GRAMD1B: variants seen among roughly 807,000 people sequenced by gnomAD.
GRAMD1B encodes the protein GRAM domain containing 1B.
Under a neutral mutation model 99.7 loss-of-function variants are expected in GRAMD1B, and 37 were observed. That is an observed-to-expected ratio of 0.37 (90% CI 0.29 to 0.49). The LOEUF (loss-of-function observed/expected upper bound fraction) is 0.49, where lower values mean the gene tolerates loss of function less well. Among genes scored for constraint, GRAMD1B ranks in the 20% least tolerant of loss-of-function variants. The pLI is 0.98. For synonymous variants in GRAMD1B, 427 were observed against 387.6 expected (o/e 1.10, Z -1.19); for missense variants, 888 against 1,009.2 (o/e 0.88, Z 1.63).
intron 1 of GRAMD1B, among the ~76,000 whole-genome samples, chr11:123,366,348 G>A (rs1277161067): frequency 6.6e-6 from 1 of 152,256 alleles, no homozygotes; most frequent in Non-Finnish European, 1.5e-5. Flanking sequence ...GATGAGGCTA[G>A]AGGACTTATA....
chr11:123,589,725 G>T (rs1002668672), intron 4 of GRAMD1B, among the ~76,000 whole-genome samples: 9 of 151,676 alleles, frequency 5.9e-5, no homozygotes, highest in Non-Finnish European at 1.0e-4. Context: ...GCTTCCCAAA[G>T]TGCTGGGATT....
At chr11:123,370,183 T>C (rs536849716) in intron 1 of GRAMD1B, among the ~76,000 whole-genome samples, 2 of 151,634 alleles carry the variant, frequency 1.3e-5, no homozygotes, top group South Asian at 4.2e-4. Flanking sequence ...GGGATGGTGA[T>C]GCATGCCTGT....
intron 1 of GRAMD1B, among the ~76,000 whole-genome samples, chr11:123,401,497 T>C (rs1320595621): frequency 6.6e-6 from 1 of 152,218 alleles, no homozygotes; most frequent in Admixed American, 6.5e-5. Context: ...CCTGATGGCC[T>C]CCCTCACACA....
Position 123,577,379 on chromosome 11 carries a change from C to G in GRAMD1B, c.465C>G (p.Asn155Lys). Residue 155 changes from asparagine (N) to lysine (K), a missense_variant, in exon 3 of 20, where the codon AAC (asparagine) becomes AAG (lysine). Physicochemically the swap from Asn to Lys is moderately conservative, Grantham distance 94 (BLOSUM62 0). Around this residue, in one of 5 missense-constraint regions of GRAMD1B, gnomAD observed 233 missense variants for 154.6 expected, o/e 1.51. Transcript: ENST00000635736. Reference protein sequence around the residue: ...PRAREESTASNSNRSTPACSP... With the variant: ...PRAREESTASKSNRSTPACSP... ...TCTGCCGCTGCAGCACTGCCAGTAA[C>G]TCCAACCGCAGCACGCCGGCCTGCT... 6.3e-7 allele frequency: 1 copy of G among 1,585,980 alleles called. No homozygotes were observed. Among genetic ancestry groups the G allele is most frequent in the Non-Finnish European group, 8.6e-7 (1 of 1,166,678 alleles).
chr11:123,554,566 C>T (rs922307064), intron 2 of GRAMD1B, among the ~76,000 whole-genome samples: 5 of 150,804 alleles, frequency 3.3e-5, no homozygotes, highest in Admixed American at 2.0e-4. Flanking sequence ...AACAAAATGC[C>T]GGACATGGTG....
At chr11:123,508,949 T>C (rs549987054) in intron 2 of GRAMD1B, among the ~76,000 whole-genome samples, 169 of 152,338 alleles carry the variant, frequency 1.1e-3, no homozygotes, top group African/African-American at 3.8e-3. Context: ...CCTCCCAAAG[T>C]GCTGGGATTA....
At position 123,587,659 on chromosome 11, in the gene GRAMD1B, A is replaced by G. The variant is rs1054726993; in HGVS notation, c.684+3327A>G. Among the ~76,000 whole-genome samples the G allele has an allele frequency of 6.6e-6, 1 of 152,166 alleles. No individual in the cohort carries two copies. Among genetic ancestry groups the G allele is most frequent in the Non-Finnish European group, 1.5e-5 (1 of 68,030 alleles). ...GAAGGAGCATTTCTGAGATCAGAGC[A>G]CAGGAGCCCAGACCCTGGCAGCCGC... On this transcript the variant is annotated intron_variant, in intron 4 of 19. Transcript: ENST00000635736. This position sits in a 1 kb window ranked among gnomAD's most constrained non-coding sequence, Gnocchi z 4.2.
intron 2 of GRAMD1B, chr11:123,525,781 C>T: frequency 3.5e-6 from 1 of 286,586 alleles, no homozygotes; most frequent in South Asian, 4.3e-5. Flanking sequence ...GGGCAGCCGG[C>T]CAGCCTGGCT....
chr11:123,402,262 C>T (rs534407219), intron 1 of GRAMD1B, among the ~76,000 whole-genome samples: 2 of 152,280 alleles, frequency 1.3e-5, no homozygotes, highest in Admixed American at 6.5e-5. Context: ...GTGACCTGCC[C>T]GCCTCGGCCT....
chr11:123,488,698 C>T (rs1938175124), intron 2 of GRAMD1B, among the ~76,000 whole-genome samples: 1 of 142,284 alleles, frequency 7.0e-6, no homozygotes, highest in African/African-American at 2.5e-5. Flanking sequence ...CACCCCATGG[C>T]CCTGACTGAA....
At chr11:123,572,129 T>C (rs147536605) in intron 2 of GRAMD1B, among the ~76,000 whole-genome samples, 1 of 152,302 alleles carries the variant, frequency 6.6e-6, no homozygotes, top group Non-Finnish European at 1.5e-5. Flanking sequence ...TCCAAAGTCA[T>C]ATCACCTTGT....
intron 2 of GRAMD1B, among the ~76,000 whole-genome samples, chr11:123,483,499 A>T (rs1051661779): frequency 1.4e-5 from 2 of 147,644 alleles, no homozygotes; most frequent in African/African-American, 5.0e-5. Flanking sequence ...TGATTTTCCC[A>T]CCTTAGCCTC....
chr11:123,387,358 G>A (rs560203311), intron 1 of GRAMD1B, among the ~76,000 whole-genome samples: 4 of 152,106 alleles, frequency 2.6e-5, no homozygotes, highest in Non-Finnish European at 4.4e-5. Context: ...CGTGTTTGCT[G>A]ACACACAGGC....
At chr11:123,508,214 C>G (rs527668212) in intron 2 of GRAMD1B, among the ~76,000 whole-genome samples, 1 of 152,296 alleles carries the variant, frequency 6.6e-6, no homozygotes, top group African/African-American at 2.4e-5. Flanking sequence ...ACACCAGCAT[C>G]TGGAGAAGGC....
intron 2 of GRAMD1B, among the ~76,000 whole-genome samples, chr11:123,551,354 C>A (rs769326612): frequency 6.6e-4 from 100 of 152,182 alleles, no homozygotes; most frequent in Admixed American, 1.2e-3. Context: ...GTACTTCATT[C>A]TGGAAAGGAG....
intron 2 of GRAMD1B, among the ~76,000 whole-genome samples, chr11:123,493,593 C>T (rs979053353): frequency 8.5e-5 from 13 of 152,314 alleles, no homozygotes; most frequent in African/African-American, 2.6e-4. Flanking sequence ...GTTGTGTGGA[C>T]GGGCTTCCAG....
chr11:123,579,662 A>T (rs1184936736), intron 3 of GRAMD1B, among the ~76,000 whole-genome samples: 1 of 151,960 alleles, frequency 6.6e-6, no homozygotes, highest in Non-Finnish European at 1.5e-5. Flanking sequence ...AGCTGGCAAG[A>T]GGGTGGATAT....
chr11:123,522,495 T>C (rs1591805898), intron 2 of GRAMD1B, among the ~76,000 whole-genome samples: 1 of 152,138 alleles, frequency 6.6e-6, no homozygotes, highest in East Asian at 1.9e-4. Flanking sequence ...ATTTTTGTAT[T>C]TTTAATAGAG....
intron 1 of GRAMD1B, among the ~76,000 whole-genome samples, chr11:123,463,483 T>C (rs535225999): frequency 2.0e-5 from 3 of 152,344 alleles, no homozygotes; most frequent in African/African-American, 7.2e-5. Context: ...ATGCAGTATC[T>C]TGAATGAATT....
Sources: gnomAD v4.1 joint callset for allele counts (sites outside exome capture counted in the v4.1 genomes callset) on GRCh38, gnomAD v4.1.1 for gene constraint, gnomAD v4.1.1 regional missense constraint, Gnocchi (gnomAD v3.1) non-coding constraint, MANE v1.5 for transcripts, NCBI Gene and HGNC (gene_info 2026-07-23, HGNC 2026-07-21) for gene names.